Variants in TRAF3IP1 observed in about 807,000 individuals in gnomAD.
TRAF3IP1 encodes TRAF3-interacting protein 1.
In TRAF3IP1, 53 loss-of-function variants were observed where a neutral mutation model predicts 89.9. The ratio of observed to expected loss-of-function variants is 0.59; its 90% CI spans 0.47 to 0.74. The LOEUF is 0.74. TRAF3IP1 is among the 30% of genes least tolerant of loss of function. The pLI, the probability that TRAF3IP1 is intolerant of heterozygous loss-of-function variation, is 0.00. For missense variants in TRAF3IP1, 806 were observed against 866.1 expected (o/e 0.93, Z 0.87); for synonymous variants, 311 against 322.1 (o/e 0.97, Z 0.37).
intron 14 of TRAF3IP1, among the ~76,000 whole-genome samples, chr2:238,354,322 G>C (rs1699307791): frequency 6.6e-6 from 1 of 152,196 alleles, no homozygotes; most frequent in African/African-American, 2.4e-5. Flanking sequence ...GCCGCTTACT[G>C]CTCTGGGTTG....
At chr2:238,343,124 G>A (rs1046316451) in intron 8 of TRAF3IP1, among the ~76,000 whole-genome samples, 11 of 149,744 alleles carry the variant, frequency 7.3e-5, no homozygotes, top group African/African-American at 2.7e-4. Context: ...GTCTGGCTCT[G>A]TCACCAGGCT....
At chr2:238,377,015 C>A (rs981179514) in intron 15 of TRAF3IP1, among the ~76,000 whole-genome samples, 1 of 152,094 alleles carries the variant, frequency 6.6e-6, no homozygotes, top group Admixed American at 6.6e-5. Context: ...AGGAGTGATT[C>A]AAGCCCAGGC....
intron 6 of TRAF3IP1, 23 bp from the exon 7 acceptor site, chr2:238,333,937 C>A (rs772235534): frequency 4.4e-6 from 7 of 1,579,028 alleles, no homozygotes; most frequent in East Asian, 2.2e-5. Flanking sequence ...CAATTAATTT[C>A]TTTTCATTCT....
In TRAF3IP1 at chr2:238,400,071, A is replaced by T. The variant is rs185415297; in HGVS notation, c.*1152A>T. Reference sequence around the variant, plus strand: ...GAGGAGTGCCATTTAAAGTGTGAGGATTGCCTGAAAAGGTTTTGTTTCTTT... The same window carrying T: ...GAGGAGTGCCATTTAAAGTGTGAGGTTTGCCTGAAAAGGTTTTGTTTCTTT... On this transcript the variant is annotated 3_prime_UTR_variant, in exon 17 of 17. Transcript: ENST00000373327. 6.7e-6 allele frequency: 1 copy of T among 150,276 alleles called. No individual in the cohort carries two copies. The highest frequency in any genetic ancestry group is 2.0e-4 in the East Asian group (1 of 5,098). The allele number at this position is 150,276 out of a possible 1,614,324, so 9.3% of individuals were successfully genotyped here. A position where few individuals can be genotyped will look rare whatever the true frequency, so the allele number is the denominator to read the frequency against.
At chr2:238,331,180 G>T (rs1221576570) in intron 5 of TRAF3IP1, among the ~76,000 whole-genome samples, 1 of 151,966 alleles carries the variant, frequency 6.6e-6, no homozygotes, top group Non-Finnish European at 1.5e-5. Context: ...TAGAGGCTCG[G>T]CCGGGCATGG....
intron 15 of TRAF3IP1, among the ~76,000 whole-genome samples, chr2:238,367,360 ACT>A (rs1699928188): frequency 1.3e-5 from 2 of 152,054 alleles, no homozygotes; most frequent in Non-Finnish European, 2.9e-5. Flanking sequence ...GCAACAGAAG[ACT>A]GAAGATGTGG....
chr2:238,331,750 C>T (rs1214021539), intron 5 of TRAF3IP1, among the ~76,000 whole-genome samples: 3 of 152,124 alleles, frequency 2.0e-5, no homozygotes, highest in African/African-American at 7.2e-5. Flanking sequence ...TGGTAAAAAG[C>T]GCCAGGCAGG....
In TRAF3IP1 at chr2:238,334,199, A is replaced by G; in HGVS notation, c.1063+164A>G. On this transcript the variant is annotated intron_variant, in intron 7 of 16. Transcript: ENST00000373327. ...GAAATAATGAAGATTTGTGGCTGTTACATACACATGCGTGTGTGCACAAGT... is the reference window on the plus strand; with the variant it reads ...GAAATAATGAAGATTTGTGGCTGTTGCATACACATGCGTGTGTGCACAAGT... 4 of 638,154 alleles carry G rather than the reference A, an allele frequency of 6.3e-6. No homozygotes were observed. The East Asian group carries it at 8.3e-5, about 13-fold the overall frequency. 39.5% of individuals were successfully genotyped at this position (638,154 alleles called of 1,614,324 possible). A position where few individuals can be genotyped will look rare whatever the true frequency, so the allele number is the denominator to read the frequency against.
intron 15 of TRAF3IP1, among the ~76,000 whole-genome samples, chr2:238,376,839 T>C (rs1374299571): frequency 6.6e-6 from 1 of 152,260 alleles, no homozygotes; most frequent in Non-Finnish European, 1.5e-5. Context: ...TTTTCTTCGC[T>C]GTAATAGCAG....
chr2:238,365,795 T>G (rs1056625536), intron 15 of TRAF3IP1, among the ~76,000 whole-genome samples: 1 of 152,162 alleles, frequency 6.6e-6, no homozygotes, highest in Admixed American at 6.5e-5. Flanking sequence ...TGGGGTTTTT[T>G]GTTTGTTTCT....
chr2:238,351,575 A>G lies in TRAF3IP1; in HGVS notation c.1452-1252A>G, dbSNP rs985604763. Among the ~76,000 whole-genome samples, 2 of 151,918 alleles carry G rather than the reference A, an allele frequency of 1.3e-5. No individual in the cohort carries two copies. Among genetic ancestry groups the G allele is most frequent in the African/African-American group, 4.8e-5 (2 of 41,340 alleles). On this transcript the variant is annotated intron_variant, in intron 12 of 16. Transcript: ENST00000373327. This position sits in a 1 kb window ranked among gnomAD's most constrained non-coding sequence, Gnocchi z 5.2. The stretch of plus-strand genomic sequence containing the variant: ...AGGGGCGCAGGTGTTGAGGAGGTGG[A>G]TCGTGGGCCACAGTGAGGGTGTGCT...
At chr2:238,352,280 G>A (rs1699206214) in intron 12 of TRAF3IP1, among the ~76,000 whole-genome samples, 1 of 152,066 alleles carries the variant, frequency 6.6e-6, no homozygotes, top group Non-Finnish European at 1.5e-5. Flanking sequence ...GTGTGTACGT[G>A]GTGCTGAGCG....
intron 5 of TRAF3IP1, among the ~76,000 whole-genome samples, chr2:238,329,926 C>G (rs61387229): frequency 0.24 from 36,843 of 152,060 alleles, 5,424 homozygotes; most frequent in Middle Eastern, 0.43. Flanking sequence ...TAAATGCTTG[C>G]TCTTTTTAGG....
At chr2:238,338,881 G>A (rs1460076876) in intron 8 of TRAF3IP1, among the ~76,000 whole-genome samples, 3 of 152,208 alleles carry the variant, frequency 2.0e-5, no homozygotes, top group Non-Finnish European at 4.4e-5. Flanking sequence ...GCCTGTCACA[G>A]CCAATCACAT....
chr2:238,362,482 C>T (rs1699703964), intron 15 of TRAF3IP1, among the ~76,000 whole-genome samples: 1 of 152,172 alleles, frequency 6.6e-6, no homozygotes, highest in African/African-American at 2.4e-5. Context: ...CCTCATTCCT[C>T]CACAGCATGA....
intron 1 of TRAF3IP1, among the ~76,000 whole-genome samples, chr2:238,322,839 T>G (rs758289811): frequency 3.3e-5 from 5 of 152,142 alleles, no homozygotes; most frequent in Non-Finnish European, 5.9e-5. Flanking sequence ...TTTCTCTCCC[T>G]GTGTAAAGAT....
At chr2:238,389,702 T>A (rs1027978902) in intron 15 of TRAF3IP1, among the ~76,000 whole-genome samples, 1 of 151,210 alleles carries the variant, frequency 6.6e-6, no homozygotes, top group East Asian at 1.9e-4. Flanking sequence ...GAGCTGAGAT[T>A]GCACCACTGT....
intron 10 of TRAF3IP1, among the ~76,000 whole-genome samples, chr2:238,347,827 A>G (rs567605128): frequency 2.3e-3 from 354 of 152,192 alleles, no homozygotes; most frequent in Non-Finnish European, 4.0e-3. Flanking sequence ...GGGTTTCTCC[A>G]TGTTGGTCAA....
chr2:238,362,391 G>A (rs1699700008), intron 15 of TRAF3IP1, among the ~76,000 whole-genome samples: 1 of 152,096 alleles, frequency 6.6e-6, no homozygotes, highest in South Asian at 2.1e-4. Context: ...CATTAGTGGC[G>A]TAAATGAAGT....
Sources: allele counts gnomAD v4.1 joint callset (sites outside exome capture counted in the v4.1 genomes callset), GRCh38; gene constraint gnomAD v4.1.1; non-coding constraint Gnocchi (gnomAD v3.1); transcripts MANE v1.5; gene names NCBI Gene and HGNC (gene_info 2026-07-23, HGNC 2026-07-21).